Variants in DST observed in about 807,000 individuals in gnomAD.
DST encodes bullous pemphigoid antigen.
In DST, 253 loss-of-function variants were observed where a neutral mutation model predicts 875.2. The ratio of observed to expected loss-of-function variants is 0.29; its 90% confidence interval spans 0.26 to 0.32. The LOEUF (loss-of-function observed/expected upper bound fraction) is 0.32. Among genes scored for constraint, DST ranks in the 10% least tolerant of loss-of-function variants. DST has a pLI of 1.00. For missense variants in DST, 8,287 were observed against 9,111.6 expected (o/e 0.91, Z 3.68); for synonymous variants, 3,124 against 3,197.1 (o/e 0.98, Z 0.77).
chr6:56,811,163 G>T lies in DST; in HGVS notation c.625+40234C>A, dbSNP rs992214635. On this transcript the variant is annotated intron_variant, in intron 4 of 103. Transcript: ENST00000680361. ...TGTGCCACTGCACTCCAGCCTAGGC[G>T]ACAGAGCAAGACCCTGTCTCAAAAA... Among the ~76,000 whole-genome samples the T allele has an allele frequency of 1.3e-4, 16 of 123,272 alleles. No individual in the cohort carries two copies. In the Admixed American group the frequency reaches 1.7e-3, roughly 13 times the overall value. 80.9% of individuals were successfully genotyped at this position (123,272 alleles called of 152,430 possible).
At chr6:56,484,991 T>G (rs1003402897) in intron 88 of DST, 6 of 232,976 alleles carry the variant, frequency 2.6e-5, no homozygotes, top group Non-Finnish European at 5.0e-5. Flanking sequence ...ATTGTTTAAG[T>G]GCATAACTAA....
intron 69 of DST, among the ~76,000 whole-genome samples, chr6:56,522,447 T>C (rs1006439139): frequency 6.6e-6 from 1 of 152,130 alleles, no homozygotes; most frequent in Non-Finnish European, 1.5e-5. Context: ...TCCTTTTCAC[T>C]CCCTTCCCCT....
chr6:56,507,360 C>T (rs781083344), intron 75 of DST, among the ~76,000 whole-genome samples: 1 of 152,182 alleles, frequency 6.6e-6, no homozygotes, highest in Non-Finnish European at 1.5e-5. Context: ...AAACCAAGCC[C>T]TAAACCAGGC....
At chr6:56,724,962 GCTGTTT>G (rs1247574840) in intron 5 of DST, among the ~76,000 whole-genome samples, 2 of 149,328 alleles carry the variant, frequency 1.3e-5, no homozygotes, top group African/African-American at 2.6e-5. Context: ...TATATAACAG[GCTGTTT>G]TACACACACA....
At chr6:56,615,975 A>T in intron 36 of DST, 2 of 1,614,202 alleles carry the variant, frequency 1.2e-6, no homozygotes, top group Non-Finnish European at 1.7e-6. Flanking sequence ...GCCACCCGGT[A>T]CTTTTTGCCA....
At chr6:56,734,243 G>A (rs1335369553) in intron 5 of DST, among the ~76,000 whole-genome samples, 1 of 152,204 alleles carries the variant, frequency 6.6e-6, no homozygotes, top group Non-Finnish European at 1.5e-5. Context: ...GATATTATCA[G>A]AATTTGAGAA....
intron 4 of DST, among the ~76,000 whole-genome samples, chr6:56,775,777 T>G (rs1017146889): frequency 6.6e-6 from 1 of 152,250 alleles, no homozygotes; most frequent in African/African-American, 2.4e-5. Context: ...TAGCATAACA[T>G]TGGATTATAA....
At chr6:56,600,673 T>G (rs374006133) in intron 44 of DST, among the ~76,000 whole-genome samples, 20 of 152,176 alleles carry the variant, frequency 1.3e-4, no homozygotes, top group Admixed American at 7.2e-4. Context: ...AAAGGAACAT[T>G]GCATGCAATA....
intron 3 of DST, among the ~76,000 whole-genome samples, chr6:56,874,923 C>T (rs1453989585): frequency 6.6e-6 from 1 of 152,226 alleles, no homozygotes; most frequent in African/African-American, 2.4e-5. Context: ...CACACAAACA[C>T]ATAACCTTCT....
chr6:56,787,723 T>A (rs1055435929), intron 4 of DST, among the ~76,000 whole-genome samples: 1 of 152,222 alleles, frequency 6.6e-6, no homozygotes, highest in Admixed American at 6.5e-5. Flanking sequence ...CAATCATGGT[T>A]ATTAGATTCT....
Position 56,609,375 on chromosome 6 carries a change from C to G in DST, c.5284-31G>C, listed in dbSNP as rs540772390. On this transcript the variant is annotated intron_variant, in intron 39 of 103. Coordinates refer to ENST00000680361, the MANE Select transcript of DST (RefSeq NM_001374736.1). ...AGGAAAATGCAAAAATCTCAGGTCACTCTGTTACACAAGGGTGGGCGGAGT... is the reference window on the plus strand; with the variant it reads ...AGGAAAATGCAAAAATCTCAGGTCAGTCTGTTACACAAGGGTGGGCGGAGT... The G allele has an allele frequency of 1.6e-4, 241 of 1,501,466 alleles. No homozygotes were observed. In the African/African-American group the frequency reaches 3.2e-3, roughly 20 times the overall value. The allele number at this position is 1,501,466 out of a possible 1,614,324, so 93.0% of individuals were successfully genotyped here.
chr6:56,731,801 C>G (rs937186796), intron 5 of DST, among the ~76,000 whole-genome samples: 1 of 152,168 alleles, frequency 6.6e-6, no homozygotes, highest in African/African-American at 2.4e-5. Flanking sequence ...ATTTCTCAAA[C>G]TTTTTGGTCT....
chr6:56,634,371 C>A, intron 26 of DST, 91 bp downstream of exon 26: 1 of 1,606,168 alleles, frequency 6.2e-7, no homozygotes, highest in South Asian at 1.1e-5. Context: ...GACTTTTGAT[C>A]CTGTGGGGCC....
Position 56,531,039 on chromosome 6 carries a change from A to C in DST, c.17109-906T>G, listed in dbSNP as rs536173838. ...GCATAAGCTATTAAACATAATTTCTATAACATATCACAATGCACACACATT... is the reference window on the plus strand; with the variant it reads ...GCATAAGCTATTAAACATAATTTCTCTAACATATCACAATGCACACACATT... On this transcript the variant is annotated intron_variant, in intron 64 of 103. Coordinates refer to ENST00000680361, the MANE Select transcript of DST (RefSeq NM_001374736.1). Among the ~76,000 whole-genome samples the C allele has an allele frequency of 8.0e-4, 122 of 152,354 alleles. 3 individuals carry two copies. The South Asian group carries it at 0.024, about 31-fold the overall frequency.
In DST at chr6:56,487,159, T is replaced by A; in HGVS notation, c.20992A>T (p.Met6998Leu). 6.2e-7 allele frequency: 1 copy of A among 1,614,016 alleles called. No homozygotes were observed. Among genetic ancestry groups the A allele is most frequent in the Non-Finnish European group, 8.5e-7 (1 of 1,179,866 alleles). The change falls in exon 87 of 104, where the codon ATG becomes TTG. Residue 6998 changes from methionine to leucine, a missense_variant. By Grantham distance (15) the Met-to-Leu change is conservative. Transcript: ENST00000680361. ...LADDNLKLDDMLSELRDKWDT... is the reference protein window; with the variant it reads ...LADDNLKLDDLLSELRDKWDT... ...CATTTGTCTCTGAGTTCACTCAGCA[T>A]GTCATCCAGTTTCAGGTTGTCATCA...
chr6:56,479,382 T>C (rs1246639101), intron 90 of DST, among the ~76,000 whole-genome samples: 4 of 152,110 alleles, frequency 2.6e-5, no homozygotes, highest in Non-Finnish European at 2.9e-5. Context: ...TTCAAAAAAC[T>C]AAAATTAGAA....
chr6:56,587,245 C>T (rs1177725651), intron 49 of DST, among the ~76,000 whole-genome samples: 8 of 151,986 alleles, frequency 5.3e-5, no homozygotes, highest in Middle Eastern at 3.2e-3. Flanking sequence ...AGCCAAGGCT[C>T]GAGAACTACG....
chr6:56,549,006 C>A (rs958503237), intron 61 of DST, among the ~76,000 whole-genome samples: 1 of 152,080 alleles, frequency 6.6e-6, no homozygotes, highest in Admixed American at 6.6e-5. Context: ...TAAACATGAA[C>A]GAATGAATTT....
At chr6:56,838,404 C>A (rs767049365) in intron 4 of DST, among the ~76,000 whole-genome samples, 2 of 152,134 alleles carry the variant, frequency 1.3e-5, no homozygotes, top group Non-Finnish European at 2.9e-5. Flanking sequence ...TATGACCCAA[C>A]GGCAGAAATA....
Sources: allele counts gnomAD v4.1 joint callset (sites outside exome capture counted in the v4.1 genomes callset), GRCh38; gene constraint gnomAD v4.1.1; transcripts MANE v1.5; gene names NCBI Gene and HGNC (gene_info 2026-07-23, HGNC 2026-07-21).